Variants in PEX10 observed in about 807,000 individuals in gnomAD.
PEX10 encodes peroxisomal biogenesis factor 10.
In PEX10, 32 loss-of-function variants were observed where a neutral mutation model predicts 38.0. The observed-to-expected ratio is 0.84, with a 90% CI of 0.63 to 1.13. The LOEUF (loss-of-function observed/expected upper bound fraction) is 1.13, where lower values mean the gene tolerates loss of function less well. PEX10 is among the 50% of genes most tolerant of loss of function. PEX10 has a pLI of 0.00. For synonymous variants in PEX10, 206 were observed against 207.3 expected, an observed-to-expected ratio of 0.99 and a Z score of 0.05; for missense variants, 483 against 457.7, an observed-to-expected ratio of 1.06 and a Z score of -0.51.
chr1:2,412,340 C>T (rs1643266171), intron 1 of PEX10, 51 bp downstream of exon 1: 1 of 1,316,706 alleles, frequency 7.6e-7, no homozygotes, highest in Non-Finnish European at 9.7e-7. Flanking sequence ...CCATGAGGGG[C>T]AACACCCCCT....
In PEX10 at chr1:2,408,565, C is replaced by T. The variant is rs1643084402; in HGVS notation, c.487G>A (p.Ala163Thr). 4 of 1,612,240 alleles carry T rather than the reference C, an allele frequency of 2.5e-6. No individual in the cohort carries two copies. The South Asian group carries it at 4.4e-5, about 18-fold the overall frequency. Reference protein sequence around the residue: ...TEQQRRALLRAVFVLRQGLAC... With the variant: ...TEQQRRALLRTVFVLRQGLAC... ...AGGCCCTGTCTGAGGACGAAGACCG[C>T]CCGCAGCAGCGCCCTCCTCTGCTGC... The change falls in exon 3 of 6, where the codon GCG becomes ACG. Residue 163 changes from alanine (A) to threonine (T), a missense_variant. Ala to Thr is a moderately conservative substitution (Grantham distance 58). Transcript: ENST00000447513.
intron 3 of PEX10, 23 bp from the exon 4 acceptor site, chr1:2,406,918 CTCA>C (rs1254025508): frequency 1.2e-6 from 2 of 1,603,372 alleles, no homozygotes; most frequent in Middle Eastern, 1.6e-4. Flanking sequence ...TGGCGCCACA[CTCA>C]TCAGGACCCT....
At position 2,404,745 on chromosome 1, in the gene PEX10, C is replaced by G. The variant is rs1162976727; in HGVS notation, c.*1021G>C. 1.3e-5 allele frequency: 2 copies of G among 152,300 alleles called. No homozygotes were observed. The highest frequency in any genetic ancestry group is 4.8e-5 in the African/African-American group (2 of 41,466). The allele number at this position is 152,300 out of a possible 1,614,324, so 9.4% of individuals were successfully genotyped here. On this transcript the variant is annotated 3_prime_UTR_variant, in exon 6 of 6. Transcript: ENST00000447513. ...TTTACGTCAGCAGGGAAATGTGGCA[C>G]ACGCCCTCGAGGCATTTTAACACTG... is the stretch of plus-strand genomic sequence containing the variant.
At chr1:2,413,209 T>C (rs911600244), upstream of PEX10, among the ~76,000 whole-genome samples, 40 of 152,150 alleles carry the variant, frequency 2.6e-4, no homozygotes, top group Non-Finnish European at 4.4e-5. Context: ...GCCCCCCTGG[T>C]GCCCACGGGA....
chr1:2,405,639 G>A lies in PEX10; in HGVS notation c.*127C>T, dbSNP rs1028665743. The A allele has an allele frequency of 2.3e-6, 2 of 880,432 alleles. No homozygotes were observed. The highest frequency in any genetic ancestry group is 3.3e-5 in the African/African-American group (2 of 60,458). The allele number at this position is 880,432 out of a possible 1,614,324, so 54.5% of individuals were successfully genotyped here. A position where few individuals can be genotyped will look rare whatever the true frequency, so the allele number is the denominator to read the frequency against. On this transcript the variant is annotated 3_prime_UTR_variant, in exon 6 of 6. Transcript: ENST00000447513. The stretch of plus-strand genomic sequence containing the variant: ...GTTCTCTCCCAGGGTGGCTAGGTTA[G>A]TATCTTACATGACAAAAAACTGAGA...
upstream of PEX10, among the ~76,000 whole-genome samples, chr1:2,412,764 G>A (rs566905295): frequency 2.6e-5 from 4 of 151,980 alleles, no homozygotes; most frequent in Admixed American, 1.3e-4. Context: ...CGGGGCCCGC[G>A]AGCCGAGGTG....
intron 3 of PEX10, among the ~76,000 whole-genome samples, chr1:2,407,328 C>A (rs1271123603): frequency 6.6e-6 from 1 of 152,236 alleles, no homozygotes; most frequent in Non-Finnish European, 1.5e-5. Flanking sequence ...CTGCCACCCT[C>A]CTGCTGGTGA....
Position 2,408,689 on chromosome 1 carries a change from G to A in PEX10, c.363C>T (p.Pro121=), listed in dbSNP as rs543982780. 1.2e-5 allele frequency: 19 copies of A among 1,613,042 alleles called. No individual in the cohort carries two copies. Among genetic ancestry groups the A allele is most frequent in the African/African-American group, 4.0e-5 (3 of 75,032 alleles). The change falls in exon 3 of 6, where the codon CCC becomes CCT. Residue 121 remains proline, a synonymous_variant. Transcript: ENST00000447513. ...LPLEQELQAD[P]DSGRPLQGSL... is the part of the protein sequence containing the mutation. The stretch of plus-strand genomic sequence containing the variant: ...TCCCCTGCAAGGGTCGCCCACTGTC[G>A]GGGTCAGCCTGCAGCTCCTGCTCCA...
chr1:2,407,988 C>T (rs4648634), intron 3 of PEX10, among the ~76,000 whole-genome samples: 53,819 of 144,834 alleles, frequency 0.37, 10,098 homozygotes, highest in Admixed American at 0.42. Context: ...TGGGAACGGC[C>T]GTCTGATGGG....
In PEX10 at chr1:2,406,920, C is replaced by T. The variant is rs1209346667; in HGVS notation, c.601-25G>A. The T allele has an allele frequency of 6.2e-7, 1 of 1,602,750 alleles. No homozygotes were observed. Among genetic ancestry groups the T allele is most frequent in the South Asian group, 1.1e-5 (1 of 89,192 alleles). ...GCTGTAAGGCAGATGGCGCCACACT[C>T]ATCAGGACCCTGAGGGGATCTGGCC... On this transcript the variant is annotated intron_variant, in intron 3 of 5. Coordinates refer to ENST00000447513, the MANE Select transcript of PEX10 (RefSeq NM_002617.4).
In PEX10 at chr1:2,410,343, A is replaced by C; in HGVS notation, c.193+28T>G. On this transcript the variant is annotated intron_variant, in intron 2 of 5. Transcript: ENST00000447513. The surrounding 1 kb of genome is among the most constrained non-coding windows in gnomAD (Gnocchi z 5.1). ...AGACTTGGTGTGTGTGGCTGCCCTC[A>C]GTCCTGAGGTCCCGTGGGAGCTTCT... 6.3e-7 allele frequency: 1 copy of C among 1,587,104 alleles called. No homozygotes were observed. The highest frequency in any genetic ancestry group is 8.7e-7 in the Non-Finnish European group (1 of 1,155,430).
chr1:2,412,508 C>T lies in PEX10; in HGVS notation c.-6G>A, dbSNP rs1278521680. On this transcript the variant is annotated 5_prime_UTR_variant, in exon 1 of 6. Transcript: ENST00000447513. ...CTGGCGGCGGCCGGGGCCATGGCCG[C>T]GGGTTCGGGTGGTCCCGAGCAGCCA... 5 of 1,350,972 alleles carry T rather than the reference C, an allele frequency of 3.7e-6. No individual in the cohort carries two copies. Among genetic ancestry groups the T allele is most frequent in the Non-Finnish European group, 9.5e-7 (1 of 1,055,226 alleles). 83.7% of individuals were successfully genotyped at this position (1,350,972 alleles called of 1,614,324 possible).
At chr1:2,411,483 T>C (rs1310742313) in intron 1 of PEX10, among the ~76,000 whole-genome samples, 1 of 152,098 alleles carries the variant, frequency 6.6e-6, no homozygotes, top group African/African-American at 2.4e-5. Context: ...TCCACCCGCC[T>C]CGGCCTCCCA....
At chr1:2,411,190 C>T (rs975249834) in intron 1 of PEX10, among the ~76,000 whole-genome samples, 3 of 151,320 alleles carry the variant, frequency 2.0e-5, no homozygotes, top group African/African-American at 7.3e-5. Flanking sequence ...ATGCCTTTAA[C>T]GACTGCCTGC....
In PEX10 at chr1:2,405,414, C is replaced by G. The variant is rs115735911; in HGVS notation, c.*352G>C. 6 of 420,128 alleles carry G rather than the reference C, an allele frequency of 1.4e-5. No homozygotes were observed. In the East Asian group the frequency reaches 2.6e-4, roughly 18 times the overall value. The allele number at this position is 420,128 out of a possible 1,614,324, so 26.0% of individuals were successfully genotyped here. On this transcript the variant is annotated 3_prime_UTR_variant, in exon 6 of 6. Coordinates refer to ENST00000447513, the MANE Select transcript of PEX10 (RefSeq NM_002617.4). ...TGGGGCTGTTTTCTCACAATATAAACGAATAAAGTGTCTTCTGGCCTACTT... is the reference window on the plus strand; with the variant it reads ...TGGGGCTGTTTTCTCACAATATAAAGGAATAAAGTGTCTTCTGGCCTACTT...
At position 2,408,678 on chromosome 1, in the gene PEX10, C is replaced by A; in HGVS notation, c.374G>T (p.Arg125Leu). Residue 125 changes from arginine (R) to leucine (L), a missense_variant, in exon 3 of 6, where the codon CGA becomes CTA. Physicochemically the swap from Arg to Leu is moderately radical, Grantham distance 102 (BLOSUM62 -2). Transcript: ENST00000447513. ...TGGCCCCAGGCTCCCCTGCAAGGGT[C>A]GCCCACTGTCGGGGTCAGCCTGCAG... The part of the protein sequence containing the change: ...QELQADPDSG[R>L]PLQGSLGPGG... The A allele has an allele frequency of 6.2e-7, 1 of 1,612,490 alleles. No individual in the cohort carries two copies. Among genetic ancestry groups the A allele is most frequent in the Non-Finnish European group, 8.5e-7 (1 of 1,179,440 alleles).
chr1:2,406,413 T>C, intron 5 of PEX10, 71 bp downstream of exon 5: 1 of 1,592,134 alleles, frequency 6.3e-7, no homozygotes. Context: ...TCCCCACTTC[T>C]GCTGCAGCCA....
At chr1:2,407,850 A>G (rs1643060696) in intron 3 of PEX10, among the ~76,000 whole-genome samples, 2 of 152,084 alleles carry the variant, frequency 1.3e-5, no homozygotes, top group Non-Finnish European at 2.9e-5. Context: ...TGGGCCAGGG[A>G]CTAACGCTGT....
chr1:2,411,479 C>A (rs573184334), intron 1 of PEX10, among the ~76,000 whole-genome samples: 2 of 151,698 alleles, frequency 1.3e-5, no homozygotes, highest in African/African-American at 2.4e-5. Flanking sequence ...GTGATCCACC[C>A]GCCTCGGCCT....
Sources: allele counts gnomAD v4.1 joint callset (sites outside exome capture counted in the v4.1 genomes callset), GRCh38; gene constraint gnomAD v4.1.1; non-coding constraint Gnocchi (gnomAD v3.1); transcripts MANE v1.5; gene names NCBI Gene and HGNC (gene_info 2026-07-23, HGNC 2026-07-21).